Variants in WDR25 observed in about 807,000 individuals in gnomAD.
The protein encoded by WDR25 is WD repeat domain 25, also known as WD repeat-containing protein 25.
Under a neutral mutation model 47.7 loss-of-function variants are expected in WDR25, and 35 were observed. That is an observed-to-expected ratio of 0.73 (90% CI 0.56 to 0.97). The LOEUF (loss-of-function observed/expected upper bound fraction) is 0.97. Among genes scored for constraint, WDR25 ranks in the 50% least tolerant of loss-of-function variants. The pLI, the probability that WDR25 is intolerant of heterozygous loss-of-function variation, is 0.00. For missense variants in WDR25, 634 were observed against 704.7 expected (o/e 0.90, Z 1.14); for synonymous variants, 248 against 278.9 (o/e 0.89, Z 1.10).
intron 1 of WDR25, chr14:100,376,710 A>T: frequency 1.6e-6 from 2 of 1,230,758 alleles, no homozygotes; most frequent in Non-Finnish European, 2.0e-6. Context: ...CTCTGGTCGT[A>T]TCTTGTTTGT....
At chr14:100,489,461 T>G (rs1900491266) in intron 4 of WDR25, among the ~76,000 whole-genome samples, 1 of 152,228 alleles carries the variant, frequency 6.6e-6, no homozygotes, top group Non-Finnish European at 1.5e-5. Context: ...AAAGTTAGGA[T>G]AAGTAATAAA....
At chr14:100,461,179 T>A (rs1273717794) in intron 2 of WDR25, among the ~76,000 whole-genome samples, 3 of 152,070 alleles carry the variant, frequency 2.0e-5, no homozygotes, top group Non-Finnish European at 4.4e-5. Flanking sequence ...TCGCACCACT[T>A]CACTCCAGCC....
At chr14:100,417,436 AG>A (rs1897900135) in intron 2 of WDR25, among the ~76,000 whole-genome samples, 1 of 152,202 alleles carries the variant, frequency 6.6e-6, no homozygotes, top group Non-Finnish European at 1.5e-5. Context: ...GTGTGGGGCC[AG>A]GCTCTTTCCC....
chr14:100,427,673 C>A (rs1898209341), intron 2 of WDR25, among the ~76,000 whole-genome samples: 1 of 152,240 alleles, frequency 6.6e-6, no homozygotes, highest in Non-Finnish European at 1.5e-5. Flanking sequence ...CACTTGACAT[C>A]TTTCACCACT....
At chr14:100,511,665 T>C (rs1901316518) in intron 4 of WDR25, among the ~76,000 whole-genome samples, 1 of 152,072 alleles carries the variant, frequency 6.6e-6, no homozygotes, top group South Asian at 2.1e-4. Flanking sequence ...GTGGTGAGAG[T>C]GTGCATCCTT....
rs147589932 is a variant in WDR25 at position 100,477,383 on chromosome 14, A to G, written c.971-6611A>G. ...AGTTTTTACACTGGTTTAGCTCATT[A>G]TAATGAGATCAATAAAGTCAGTGCT... is the stretch of plus-strand genomic sequence containing the variant. On this transcript the variant is annotated intron_variant, in intron 3 of 6. Transcript: ENST00000402312. 8.9e-4 allele frequency among the ~76,000 whole-genome samples: 135 copies of G among 152,386 alleles called. 1 individual carries two copies. The highest frequency in any genetic ancestry group is 2.9e-3 in the African/African-American group (122 of 41,596).
chr14:100,379,576 C>T (rs1485665381), intron 1 of WDR25, among the ~76,000 whole-genome samples: 9 of 151,070 alleles, frequency 6.0e-5, no homozygotes, highest in Admixed American at 1.3e-4. Context: ...TTAGTAGAGA[C>T]GGGGCTTTGC....
chr14:100,479,115 C>T (rs750345069), intron 3 of WDR25, among the ~76,000 whole-genome samples: 3 of 152,118 alleles, frequency 2.0e-5, no homozygotes, highest in South Asian at 2.1e-4. Flanking sequence ...TCCTCCTTTT[C>T]TGTCTAGGGG....
intron 2 of WDR25, among the ~76,000 whole-genome samples, chr14:100,390,297 T>G (rs1897111527): frequency 6.6e-6 from 1 of 152,156 alleles, no homozygotes; most frequent in African/African-American, 2.4e-5. Flanking sequence ...CCTTTGGTCT[T>G]TTTTTGTTTT....
intron 2 of WDR25, among the ~76,000 whole-genome samples, chr14:100,409,813 C>T (rs1433734063): frequency 6.6e-6 from 1 of 152,138 alleles, no homozygotes; most frequent in Non-Finnish European, 1.5e-5. Flanking sequence ...ATGTTGAGGC[C>T]AATGTGGCTC....
chr14:100,465,292 C>T (rs895758390), intron 2 of WDR25, among the ~76,000 whole-genome samples: 1 of 152,168 alleles, frequency 6.6e-6, no homozygotes, highest in East Asian at 1.9e-4. Context: ...GTGCAGTCTG[C>T]ACCCCATCTG....
At chr14:100,406,006 C>T (rs1439078085) in intron 2 of WDR25, among the ~76,000 whole-genome samples, 2 of 152,156 alleles carry the variant, frequency 1.3e-5, no homozygotes, top group African/African-American at 2.4e-5. Flanking sequence ...TGGAGGTGTG[C>T]TCCATGGGCT....
intron 2 of WDR25, among the ~76,000 whole-genome samples, chr14:100,416,563 CT>C (rs913505063): frequency 6.6e-6 from 1 of 152,318 alleles, no homozygotes; most frequent in African/African-American, 2.4e-5. Context: ...CCTTTCCTTC[CT>C]TCTTTTCAGG....
chr14:100,465,124 G>C (rs552191376), intron 2 of WDR25, among the ~76,000 whole-genome samples: 9 of 151,858 alleles, frequency 5.9e-5, no homozygotes, highest in African/African-American at 1.9e-4. Flanking sequence ...TTATAGCCTG[G>C]CTACAAATTC....
chr14:100,507,117 G>A (rs999342451), intron 4 of WDR25, among the ~76,000 whole-genome samples: 18 of 152,088 alleles, frequency 1.2e-4, no homozygotes, highest in African/African-American at 4.3e-4. Context: ...TCATTTTTTT[G>A]TATATGGCTA....
At chr14:100,521,167 GAC>G (rs2029872477) in intron 4 of WDR25, among the ~76,000 whole-genome samples, 1 of 150,070 alleles carries the variant, frequency 6.7e-6, no homozygotes, top group African/African-American at 2.5e-5. Context: ...CAAACACACA[GAC>G]ACACACATAG....
rs937023959 is a variant in WDR25, at chr14:100,449,251, G to A, written c.823-18770G>A. Among the ~76,000 whole-genome samples, 1 of 152,226 alleles carries A rather than the reference G, an allele frequency of 6.6e-6. No individual in the cohort carries two copies. Among genetic ancestry groups the A allele is most frequent in the East Asian group, 1.9e-4 (1 of 5,196 alleles). ...CAAATTGAGAAATCTTGATGAAAAC[G>A]ATCACTTCCATCCCAGCCCCATCAG... On this transcript the variant is annotated intron_variant, in intron 2 of 6. Coordinates refer to ENST00000402312, the MANE Select transcript of WDR25 (RefSeq NM_001161476.3). This position sits in a 1 kb window ranked among gnomAD's most constrained non-coding sequence, Gnocchi z 4.2.
intron 4 of WDR25, among the ~76,000 whole-genome samples, chr14:100,519,888 G>A (rs1225392516): frequency 7.4e-6 from 1 of 135,524 alleles, no homozygotes; most frequent in Non-Finnish European, 1.6e-5. Flanking sequence ...ATGTATATAT[G>A]TATATATGTA....
chr14:100,447,558 G>T (rs1898879432), intron 2 of WDR25, among the ~76,000 whole-genome samples: 1 of 152,134 alleles, frequency 6.6e-6, no homozygotes, highest in Admixed American at 6.5e-5. Flanking sequence ...GGGGTAATCT[G>T]GGGCAAGGGG....
Sources: allele counts gnomAD v4.1 joint callset (sites outside exome capture counted in the v4.1 genomes callset), GRCh38; gene constraint gnomAD v4.1.1; non-coding constraint Gnocchi (gnomAD v3.1); transcripts MANE v1.5; gene names NCBI Gene and HGNC (gene_info 2026-07-23, HGNC 2026-07-21).